Variants in MTREX observed in about 807,000 individuals in gnomAD.
MTREX encodes the protein exosome RNA helicase MTR4.
In MTREX, 76 loss-of-function variants were observed where a neutral mutation model predicts 135.4. The ratio of observed to expected loss-of-function variants is 0.56; its 90% CI spans 0.47 to 0.68. The LOEUF is 0.68. Among genes scored for constraint, MTREX ranks in the 30% least tolerant of loss-of-function variants. The pLI, the probability that MTREX is intolerant of heterozygous loss-of-function variation, is 0.00. For synonymous variants in MTREX, 404 were observed against 401.6 expected, an observed-to-expected ratio of 1.01 and a Z score of -0.07; for missense variants, 920 against 1,262.1, an observed-to-expected ratio of 0.73 and a Z score of 4.11.
At chr5:55,376,246 T>G (rs975112757) in intron 16 of MTREX, among the ~76,000 whole-genome samples, 1 of 152,238 alleles carries the variant, frequency 6.6e-6, no homozygotes, top group Non-Finnish European at 1.5e-5. Context: ...TTTGACCATT[T>G]CCCATGAATG....
chr5:55,412,419 G>T (rs1750897204), intron 23 of MTREX, among the ~76,000 whole-genome samples: 1 of 152,138 alleles, frequency 6.6e-6, no homozygotes, highest in African/African-American at 2.4e-5. Flanking sequence ...CACCCAATGT[G>T]GGCAGTGTAC....
Position 55,338,786 on chromosome 5 carries a change from C to CTTTTTTTTTTTTT in MTREX, c.516-1214_516-1202dup, listed in dbSNP as rs67612518. ...TTGTTAATCTGTAGACTTTCTTTTT[C>CTTTTTTTTTTTTT]TTTTTTTTTTTTTTTTTTTTTTGAG... On this transcript the variant is annotated intron_variant, in intron 5 of 26. Transcript: ENST00000230640. Among the ~76,000 whole-genome samples, 69 of 92,230 alleles carry CTTTTTTTTTTTTT rather than the reference C, an allele frequency of 7.5e-4. 1 individual carries two copies. Among genetic ancestry groups the CTTTTTTTTTTTTT allele is most frequent in the African/African-American group, 1.7e-3 (36 of 21,766 alleles). 60.5% of individuals were successfully genotyped at this position (92,230 alleles called of 152,430 possible).
chr5:55,404,318 TTAAC>T (rs1308508940), intron 21 of MTREX, among the ~76,000 whole-genome samples: 1 of 152,322 alleles, frequency 6.6e-6, no homozygotes, highest in African/African-American at 2.4e-5. Flanking sequence ...TATTTACTGA[TTAAC>T]TAAATTTTAA....
chr5:55,362,986 TAAAC>T (rs1750041662), intron 15 of MTREX, among the ~76,000 whole-genome samples: 1 of 152,196 alleles, frequency 6.6e-6, no homozygotes, highest in East Asian at 1.9e-4. Context: ...AATTACTAAA[TAAAC>T]ATACTAGTTA....
intron 20 of MTREX, among the ~76,000 whole-genome samples, chr5:55,399,524 G>A (rs1056105956): frequency 7.2e-5 from 11 of 151,940 alleles, no homozygotes; most frequent in African/African-American, 2.7e-4. Flanking sequence ...GTCTTGCTCT[G>A]TCGCTCAAGC....
At position 55,358,042 on chromosome 5, in the gene MTREX, A is replaced by G. The variant is rs147863997; in HGVS notation, c.1534-531A>G. On this transcript the variant is annotated intron_variant, in intron 14 of 26. Transcript: ENST00000230640. Reference sequence around the variant, plus strand: ...TGAGTTTGAGTCATTGCATTCTTAGATTTTGCTGTTTTCGCTGGGCGTGGT... The same window carrying G: ...TGAGTTTGAGTCATTGCATTCTTAGGTTTTGCTGTTTTCGCTGGGCGTGGT... Among the ~76,000 whole-genome samples, 204 of 152,258 alleles carry G rather than the reference A, an allele frequency of 1.3e-3. 2 individuals are homozygous for G. The Middle Eastern group carries it at 0.024, about 18-fold the overall frequency.
At chr5:55,358,834 A>G (rs1749963017) in intron 15 of MTREX, 136 bp downstream of exon 15, 2 of 660,996 alleles carry the variant, frequency 3.0e-6, no homozygotes, top group Non-Finnish European at 4.7e-6. Context: ...GCTTGGGAAG[A>G]TGGAAGGGTG....
At position 55,367,991 on chromosome 5, in the gene MTREX, G is replaced by T. The variant is rs375641721; in HGVS notation, c.1810+1116G>T. Among the ~76,000 whole-genome samples the T allele has an allele frequency of 6.6e-5, 10 of 152,250 alleles. No individual in the cohort carries two copies. In the East Asian group the frequency reaches 1.9e-3, roughly 29 times the overall value. On this transcript the variant is annotated intron_variant, in intron 16 of 26. Coordinates refer to ENST00000230640, the MANE Select transcript of MTREX (RefSeq NM_015360.5). ...TTGGAGTTTTTCTATTTTGTTTCAC[G>T]AATAAGTTTGCTTTTTAAAGGCAAA...
At position 55,385,224 on chromosome 5, in the gene MTREX, G is replaced by C. The variant is rs551564512; in HGVS notation, c.2053-2750G>C. Reference sequence around the variant, plus strand: ...AAGCAGGGGCATAGGTGGAGGGTTGGGGTGTAGCCTCAGGTATTTTCATCT... The same window carrying C: ...AAGCAGGGGCATAGGTGGAGGGTTGCGGTGTAGCCTCAGGTATTTTCATCT... On this transcript the variant is annotated intron_variant, in intron 18 of 26. Coordinates refer to ENST00000230640, the MANE Select transcript of MTREX (RefSeq NM_015360.5). Among the ~76,000 whole-genome samples, 36 of 152,228 alleles carry C rather than the reference G, an allele frequency of 2.4e-4. 1 individual carries two copies. In the South Asian group the frequency reaches 7.5e-3, roughly 32 times the overall value.
At chr5:55,330,662 GT>G (rs200025624) in intron 5 of MTREX, among the ~76,000 whole-genome samples, 20,333 of 144,806 alleles carry the variant, frequency 0.14, 1,682 homozygotes, top group East Asian at 0.27. Context: ...GACTGAGATA[GT>G]TTTTTTTTTT....
intron 15 of MTREX, among the ~76,000 whole-genome samples, chr5:55,365,865 C>T (rs991531596): frequency 6.6e-6 from 1 of 152,014 alleles, no homozygotes; most frequent in Non-Finnish European, 1.5e-5. Flanking sequence ...GTGGCACGCT[C>T]CTGTAGTCCC....
chr5:55,346,973 T>C (rs1204376480), intron 10 of MTREX, 40 bp from the exon 11 acceptor site: 1 of 1,533,242 alleles, frequency 6.5e-7, no homozygotes, highest in South Asian at 1.2e-5. Flanking sequence ...CTGTGATCTA[T>C]TTTGAGTTAA....
Position 55,314,462 on chromosome 5 carries a change from G to A in MTREX, c.134+6315G>A, listed in dbSNP as rs541311598. Among the ~76,000 whole-genome samples, 3 of 152,316 alleles carry A rather than the reference G, an allele frequency of 2.0e-5. No homozygotes were observed. The East Asian group carries it at 5.8e-4, about 29-fold the overall frequency. ...TTTATAAAAGTGAAAGAAGGAAGCT[G>A]AAGGGAGAGAACCAGAAAGACAGCA... On this transcript the variant is annotated intron_variant, in intron 1 of 26. Coordinates refer to ENST00000230640, the MANE Select transcript of MTREX (RefSeq NM_015360.5).
intron 21 of MTREX, among the ~76,000 whole-genome samples, chr5:55,404,859 A>G (rs930156443): frequency 2.0e-5 from 3 of 147,478 alleles, no homozygotes; most frequent in Non-Finnish European, 4.4e-5. Context: ...GCTGGAGTGC[A>G]GTGGCATCAT....
chr5:55,345,553 AATC>A (rs1749717680), intron 10 of MTREX, among the ~76,000 whole-genome samples: 1 of 152,154 alleles, frequency 6.6e-6, no homozygotes, highest in Admixed American at 6.5e-5. Flanking sequence ...AGACTTAGTT[AATC>A]ATTAGCCTGT....
chr5:55,425,180 G>A lies in MTREX; in HGVS notation c.*408G>A. ...TCATTTTCCTTTAGAAAACAGGCCA[G>A]CTTCACCTGGGCACCCTGCTGCCTT... is the stretch of plus-strand genomic sequence containing the variant. On this transcript the variant is annotated 3_prime_UTR_variant, in exon 27 of 27. Transcript: ENST00000230640. 1.2e-6 allele frequency: 2 copies of A among 1,601,874 alleles called. No homozygotes were observed. Among genetic ancestry groups the A allele is most frequent in the East Asian group, 2.2e-5 (1 of 44,800 alleles).
chr5:55,393,033 TAGGCC>T (rs1750594952), intron 19 of MTREX, among the ~76,000 whole-genome samples: 3 of 152,178 alleles, frequency 2.0e-5, no homozygotes, highest in African/African-American at 7.2e-5. Flanking sequence ...TCTATGGAAA[TAGGCC>T]TTCAAAGAGG....
At chr5:55,406,499 G>T (rs906185399) in intron 22 of MTREX, among the ~76,000 whole-genome samples, 9 of 152,158 alleles carry the variant, frequency 5.9e-5, no homozygotes, top group Non-Finnish European at 1.0e-4. Flanking sequence ...TTCTGACCTA[G>T]CTTTACCTTT....
chr5:55,415,465 A>G (rs1750952792), intron 24 of MTREX, among the ~76,000 whole-genome samples: 1 of 152,238 alleles, frequency 6.6e-6, no homozygotes, highest in Non-Finnish European at 1.5e-5. Context: ...TTAAATTTCT[A>G]GAACCAGCAA....
Sources: allele counts gnomAD v4.1 joint callset (sites outside exome capture counted in the v4.1 genomes callset), GRCh38; gene constraint gnomAD v4.1.1; transcripts MANE v1.5; gene names NCBI Gene and HGNC (gene_info 2026-07-23, HGNC 2026-07-21).